The following ABCF1 variants were observed in gnomAD, a reference collection of about 807,000 sequenced individuals.
The protein encoded by ABCF1 is ATP-binding cassette sub-family F member 1.
A neutral mutation model predicts 126.3 loss-of-function variants in ABCF1; 73 were observed. The observed-to-expected ratio is 0.58, with a 90% CI of 0.48 to 0.70. The LOEUF is 0.70. ABCF1 is among the 30% of genes least tolerant of loss of function. The probability of loss-of-function intolerance (pLI) is 0.00; values close to 1 mark genes in which losing one functional copy is unlikely to be tolerated. For missense variants in ABCF1, 786 were observed against 1,057.5 expected, an observed-to-expected ratio of 0.74 and a Z score of 3.56; for synonymous variants, 345 against 396.4, an observed-to-expected ratio of 0.87 and a Z score of 1.54.
At chr6:30,590,458 G>A in intron 24 of ABCF1, 77 bp from the exon 25 acceptor site, 1 of 1,576,448 alleles carries the variant, frequency 6.3e-7, no homozygotes, top group African/African-American at 1.3e-5. Flanking sequence ...AAGGGCCTAG[G>A]ACTCCCTTAT....
intron 1 of ABCF1, among the ~76,000 whole-genome samples, chr6:30,575,078 T>TC (rs2127403717): frequency 6.8e-6 from 1 of 147,986 alleles, no homozygotes; most frequent in Non-Finnish European, 1.5e-5. Context: ...TTTCTTTTTT[T>TC]TTTTTTTTTT....
rs766310516 is a variant in ABCF1 at position 30,584,925 on chromosome 6, G to A, written c.1392-335G>A. Among the ~76,000 whole-genome samples, 1 of 152,080 alleles carries A rather than the reference G, an allele frequency of 6.6e-6. No individual in the cohort carries two copies. The highest frequency in any genetic ancestry group is 2.4e-5 in the African/African-American group (1 of 41,406). Reference sequence around the variant, plus strand: ...AACATATCCTAGCCTGGGCAACATAGGGAGACCCTGTCTCTACAAAAAATT... The same window carrying A: ...AACATATCCTAGCCTGGGCAACATAAGGAGACCCTGTCTCTACAAAAAATT... On this transcript the variant is annotated intron_variant, in intron 14 of 24. Coordinates refer to ENST00000326195, the MANE Select transcript of ABCF1 (RefSeq NM_001025091.2). This position sits in a 1 kb window ranked among gnomAD's most constrained non-coding sequence, Gnocchi z 4.6.
At position 30,574,747 on chromosome 6, in the gene ABCF1, G is replaced by A. The variant is rs1417357930; in HGVS notation, c.74-2662G>A. ...GTGGTTTGTTTTTTGGGGAGGAGGAGGGCCCCAAACTTTGAAATGTGTTCT... is the reference window on the plus strand; with the variant it reads ...GTGGTTTGTTTTTTGGGGAGGAGGAAGGCCCCAAACTTTGAAATGTGTTCT... On this transcript the variant is annotated intron_variant, in intron 1 of 24. Coordinates refer to ENST00000326195, the MANE Select transcript of ABCF1 (RefSeq NM_001025091.2). The surrounding 1 kb of genome is among the most constrained non-coding windows in gnomAD (Gnocchi z 4.3). Among the ~76,000 whole-genome samples the A allele has an allele frequency of 6.6e-6, 1 of 151,952 alleles. No individual in the cohort carries two copies. Among genetic ancestry groups the A allele is most frequent in the East Asian group, 1.9e-4 (1 of 5,182 alleles).
chr6:30,582,132 C>CT (rs779936546), intron 8 of ABCF1, among the ~76,000 whole-genome samples: 8 of 151,876 alleles, frequency 5.3e-5, no homozygotes, highest in Non-Finnish European at 1.0e-4. Context: ...TCTCGGCTCA[C>CT]TGCAAGCTCC....
chr6:30,583,644 C>G lies in ABCF1; in HGVS notation c.952C>G (p.Leu318Val). ...CAGCATCTCCGCTCATGGCAAGGAG[C>G]TGTTCGTCAATGCAGACCTGTACAT... is the stretch of plus-strand genomic sequence containing the variant. ...KFSISAHGKE[L>V]FVNADLYIVA... Residue 318 changes from leucine (L) to valine (V), a missense_variant, in exon 11 of 25, where the codon CTG becomes GTG. This residue lies in a region of ABCF1 where 163 missense variants were observed against 255.3 expected (regional missense o/e 0.64). Transcript: ENST00000326195. The surrounding 1 kb of genome is among the most constrained non-coding windows in gnomAD (Gnocchi z 4.1). 1 of 1,614,026 alleles carries G rather than the reference C, an allele frequency of 6.2e-7. No homozygotes were observed. The highest frequency in any genetic ancestry group is 1.1e-5 in the South Asian group (1 of 91,086).
intron 16 of ABCF1, 76 bp downstream of exon 16, chr6:30,585,758 A>T: frequency 6.3e-7 from 1 of 1,587,526 alleles, no homozygotes; most frequent in East Asian, 2.2e-5. Context: ...GCCTATTTAG[A>T]TAAACTGAAT....
At position 30,577,397 on chromosome 6, in the gene ABCF1, T is replaced by C. The variant is rs1370791016; in HGVS notation, c.74-12T>C. Reference sequence around the variant, plus strand: ...GCAGATAAGCATTCACGATGTCCGCTTAACTTTCTAGACAAAGTGGTGAAG... The same window carrying C: ...GCAGATAAGCATTCACGATGTCCGCCTAACTTTCTAGACAAAGTGGTGAAG... On this transcript the variant is annotated splice_polypyrimidine_tract_variant and intron_variant, in intron 1 of 24. Coordinates refer to ENST00000326195, the MANE Select transcript of ABCF1 (RefSeq NM_001025091.2). 5 of 1,613,860 alleles carry C rather than the reference T, an allele frequency of 3.1e-6. No homozygotes were observed. The highest frequency in any genetic ancestry group is 3.4e-6 in the Non-Finnish European group (4 of 1,179,912).
chr6:30,582,920 T>C, intron 9 of ABCF1, 146 bp from the exon 10 acceptor site: 2 of 1,095,038 alleles, frequency 1.8e-6, no homozygotes, highest in Non-Finnish European at 1.3e-6. Context: ...CTCAAACTCC[T>C]GAGCTCAAGA....
intron 9 of ABCF1, 128 bp from the exon 10 acceptor site, chr6:30,582,938 C>T: frequency 8.0e-7 from 1 of 1,257,046 alleles, no homozygotes; most frequent in Non-Finnish European, 1.1e-6. Flanking sequence ...AGAGATCCAC[C>T]TACCTCAGCC....
intron 7 of ABCF1, 98 bp from the exon 8 acceptor site, chr6:30,580,308 C>G (rs1801744507): frequency 1.1e-6 from 1 of 917,450 alleles, no homozygotes; most frequent in Non-Finnish European, 1.6e-6. Flanking sequence ...GATTGCGCCA[C>G]TGCACTCCAG....
intron 22 of ABCF1, 55 bp from the exon 23 acceptor site, chr6:30,590,094 T>C (rs1802365042): frequency 1.2e-6 from 2 of 1,611,572 alleles, no homozygotes. Flanking sequence ...CTTGAGGGTT[T>C]GCCTTCAGAA....
intron 22 of ABCF1, 45 bp downstream of exon 22, chr6:30,590,019 C>T: frequency 6.2e-7 from 1 of 1,607,732 alleles, no homozygotes; most frequent in South Asian, 1.1e-5. Context: ...CCTTATCATT[C>T]ATGTCTACAA....
intron 1 of ABCF1, among the ~76,000 whole-genome samples, chr6:30,576,162 ATCT>A (rs1031539106): frequency 2.7e-5 from 4 of 149,046 alleles, no homozygotes; most frequent in Admixed American, 6.8e-5. Flanking sequence ...AATTTATAAT[ATCT>A]TCTTCCTTCC....
Position 30,586,802 on chromosome 6 carries a change from T to C in ABCF1, c.2031+91T>C. The C allele has an allele frequency of 7.2e-6, 10 of 1,383,990 alleles. No homozygotes were observed. Among genetic ancestry groups the C allele is most frequent in the South Asian group, 1.2e-5 (1 of 83,414 alleles). The allele number at this position is 1,383,990 out of a possible 1,614,324, so 85.7% of individuals were successfully genotyped here. A position where few individuals can be genotyped will look rare whatever the true frequency, so the allele number is the denominator to read the frequency against. Reference sequence around the variant, plus strand: ...CTGGAATCAGGGAGCCTCTCGAGAATGTAGAGTTAAATACAGAACTCATGA... The same window carrying C: ...CTGGAATCAGGGAGCCTCTCGAGAACGTAGAGTTAAATACAGAACTCATGA... On this transcript the variant is annotated intron_variant, in intron 20 of 24. Transcript: ENST00000326195. The surrounding 1 kb of genome is among the most constrained non-coding windows in gnomAD (Gnocchi z 4.9).
chr6:30,589,352 T>G, intron 20 of ABCF1: 1 of 360,732 alleles, frequency 2.8e-6, no homozygotes, highest in Non-Finnish European at 5.1e-6. Context: ...ATTTCTGGTG[T>G]TTGTCTCTCC....
intron 3 of ABCF1, 39 bp from the exon 4 acceptor site, chr6:30,578,037 C>T (rs1169514358): frequency 6.2e-7 from 1 of 1,613,772 alleles, no homozygotes; most frequent in East Asian, 2.2e-5. Context: ...CAGCAGGGGC[C>T]TGGGCTTCAT....
rs982427825 is a variant in ABCF1, at chr6:30,585,681, C to T, written c.1599C>T (p.Tyr533=). 1.2e-6 allele frequency: 2 copies of T among 1,612,998 alleles called. No individual in the cohort carries two copies. Among genetic ancestry groups the T allele is most frequent in the South Asian group, 2.2e-5 (2 of 91,086 alleles). ...AQRLHYYRGN[Y]MTFKKMYQQK... is the part of the protein sequence containing the mutation. Reference sequence around the variant, plus strand: ...GGCTCCACTACTATAGGGGCAATTACAGTAAGTAGGATTGTGTGTGGATGC... The same window carrying T: ...GGCTCCACTACTATAGGGGCAATTATAGTAAGTAGGATTGTGTGTGGATGC... The change falls in exon 16 of 25, where the codon TAC becomes TAT. Residue 533 remains tyrosine, a splice_region_variant and synonymous_variant. Coordinates refer to ENST00000326195, the MANE Select transcript of ABCF1 (RefSeq NM_001025091.2).
In ABCF1 at chr6:30,583,661, C is replaced by A. The variant is rs1214956697; in HGVS notation, c.969C>A (p.Asp323Glu). The change falls in exon 11 of 25, where the codon GAC (aspartate) becomes GAA (glutamate). Residue 323 changes from aspartate (D) to glutamate (E), a missense_variant. Asp to Glu is a conservative substitution (Grantham distance 45). Around this residue, in one of 4 missense-constraint regions of ABCF1, gnomAD observed 163 missense variants for 255.3 expected, o/e 0.64. Transcript: ENST00000326195. This position sits in a 1 kb window ranked among gnomAD's most constrained non-coding sequence, Gnocchi z 4.1. ...GCAAGGAGCTGTTCGTCAATGCAGA[C>A]CTGTACATTGTAGCCGGCCGCCGCT... is the stretch of plus-strand genomic sequence containing the variant. ...AHGKELFVNA[D>E]LYIVAGRRYG... The A allele has an allele frequency of 6.2e-7, 1 of 1,614,020 alleles. No individual in the cohort carries two copies. Among genetic ancestry groups the A allele is most frequent in the South Asian group, 1.1e-5 (1 of 91,088 alleles).
chr6:30,589,934 G>A lies in ABCF1; in HGVS notation c.2193G>A (p.Leu731=), dbSNP rs1021374814. Residue 731 remains leucine, a synonymous_variant, in exon 22 of 25, where the codon CTG becomes CTA. Coordinates refer to ENST00000326195, the MANE Select transcript of ABCF1 (RefSeq NM_001025091.2). ...GCAAGTGCCTGGGCCGCTTCGGCCT[G>A]GAGAGTCACGCCCACACCATCCAGA... ...DARKCLGRFG[L]ESHAHTIQIC... 1.2e-6 allele frequency: 2 copies of A among 1,613,820 alleles called. No individual in the cohort carries two copies. The highest frequency in any genetic ancestry group is 1.7e-5 in the Admixed American group (1 of 60,000).
Sources: gnomAD v4.1 joint callset for allele counts (sites outside exome capture counted in the v4.1 genomes callset) on GRCh38, gnomAD v4.1.1 for gene constraint, gnomAD v4.1.1 regional missense constraint, Gnocchi (gnomAD v3.1) non-coding constraint, MANE v1.5 for transcripts, NCBI Gene and HGNC (gene_info 2026-07-23, HGNC 2026-07-21) for gene names.